The following HYCC1 variants were observed in gnomAD, a reference collection of about 807,000 sequenced individuals.
HYCC1 encodes hyccin.
At chr7:22,974,229 C>T in the HYCC1 span, among the ~76,000 whole-genome samples, 83,490 of 151,960 alleles carry the variant, frequency 0.55, 23,471 homozygotes, top group Non-Finnish European at 0.61. Flanking sequence ...CCATTTTTAA[C>T]TTATAAATTA....
At chr7:22,916,925 T>C in the HYCC1 span, among the ~76,000 whole-genome samples, 2 of 152,216 alleles carry the variant, frequency 1.3e-5, no homozygotes, top group Non-Finnish European at 2.9e-5. Context: ...TGCACCACCA[T>C]GCTGTTATAT....
At chr7:23,013,091 T>C in the HYCC1 span, among the ~76,000 whole-genome samples, 1 of 152,166 alleles carries the variant, frequency 6.6e-6, no homozygotes, top group Admixed American at 6.5e-5. Flanking sequence ...CTTTCAGGAA[T>C]GTCTAAACTC....
chr7:23,001,225 T>G, the HYCC1 span, among the ~76,000 whole-genome samples: 5 of 152,170 alleles, frequency 3.3e-5, no homozygotes, highest in Non-Finnish European at 7.4e-5. Flanking sequence ...TTAATTGAAT[T>G]CTCATAGCCA....
the HYCC1 span, chr7:23,013,932 G>A: frequency 4.3e-6 from 2 of 469,880 alleles, no homozygotes; most frequent in South Asian, 3.1e-5. Context: ...CACCAGGGCG[G>A]CTGCCGGAGC....
the HYCC1 span, among the ~76,000 whole-genome samples, chr7:22,990,681 A>G: frequency 1.3e-5 from 2 of 152,196 alleles, no homozygotes; most frequent in Non-Finnish European, 1.5e-5. Flanking sequence ...AGTTGAGCAA[A>G]TATCTTCCCA....
chr7:22,921,461 A>G, the HYCC1 span, among the ~76,000 whole-genome samples: 1 of 152,252 alleles, frequency 6.6e-6, no homozygotes, highest in Admixed American at 6.5e-5. Context: ...ACACAAAATT[A>G]CATAAAGTAA....
At chr7:23,012,000 T>C in the HYCC1 span, among the ~76,000 whole-genome samples, 1 of 152,216 alleles carries the variant, frequency 6.6e-6, no homozygotes, top group Admixed American at 6.5e-5. Flanking sequence ...TAATTTACTG[T>C]AATGTTACTA....
the HYCC1 span, among the ~76,000 whole-genome samples, chr7:22,905,557 A>G: frequency 1.3e-5 from 2 of 151,826 alleles, no homozygotes; most frequent in East Asian, 1.9e-4. Context: ...AAACCATGTC[A>G]CCATCTTTAC....
chr7:22,974,257 C>T, the HYCC1 span, among the ~76,000 whole-genome samples: 4 of 152,078 alleles, frequency 2.6e-5, no homozygotes, highest in Admixed American at 1.3e-4. Context: ...TCCCTTCCAC[C>T]CTCCCACCTT....
the HYCC1 span, among the ~76,000 whole-genome samples, chr7:22,930,728 A>C: frequency 6.6e-6 from 1 of 152,138 alleles, no homozygotes; most frequent in Non-Finnish European, 1.5e-5. Flanking sequence ...AATACTAGCA[A>C]ATCAAATAAT....
At chr7:22,934,197 CTTTTTTTTCTTTTTTTT>C in the HYCC1 span, 1 of 99,802 alleles carries the variant, frequency 1.0e-5, no homozygotes, top group Non-Finnish European at 2.0e-5. Flanking sequence ...GTTTCCGCCT[CTTTTTTTTCTTTTTTTT>C]TTTTTTTTTT....
At chr7:22,915,059 T>G in the HYCC1 span, among the ~76,000 whole-genome samples, 2 of 152,168 alleles carry the variant, frequency 1.3e-5, no homozygotes, top group Non-Finnish European at 2.9e-5. Flanking sequence ...CTCAGCCCAG[T>G]TCATGGCCCA....
At chr7:22,992,423 G>A in the HYCC1 span, among the ~76,000 whole-genome samples, 1 of 152,050 alleles carries the variant, frequency 6.6e-6, no homozygotes, top group South Asian at 2.1e-4. Flanking sequence ...TGATTTTATA[G>A]AACTGTCTGT....
chr7:22,989,316 ACACACAC>A, the HYCC1 span, among the ~76,000 whole-genome samples: 4 of 149,658 alleles, frequency 2.7e-5, no homozygotes, highest in Non-Finnish European at 3.0e-5. Flanking sequence ...ACACACACAC[ACACACAC>A]AAGATTTAAT....
the HYCC1 span, among the ~76,000 whole-genome samples, chr7:22,966,026 T>C: frequency 1.3e-5 from 2 of 152,158 alleles, no homozygotes; most frequent in African/African-American, 4.8e-5. Flanking sequence ...ATTATATAAA[T>C]CATTCAGAGA....
chr7:23,012,878 C>A, the HYCC1 span, among the ~76,000 whole-genome samples: 2 of 152,174 alleles, frequency 1.3e-5, no homozygotes, highest in African/African-American at 4.8e-5. Flanking sequence ...GCTCCAAAAA[C>A]TACTGTGTGA....
the HYCC1 span, chr7:22,936,123 A>C: frequency 6.6e-6 from 1 of 151,878 alleles, no homozygotes; most frequent in Non-Finnish European, 1.5e-5. Context: ...AATGGTGAAC[A>C]GGAAGCTTAT....
At chr7:22,923,856 G>A in the HYCC1 span, among the ~76,000 whole-genome samples, 1 of 151,856 alleles carries the variant, frequency 6.6e-6, no homozygotes, top group Non-Finnish European at 1.5e-5. Context: ...TACCGAAAAT[G>A]ATTTAAAAAG....
At chr7:22,921,227 T>A in the HYCC1 span, among the ~76,000 whole-genome samples, 1 of 152,238 alleles carries the variant, frequency 6.6e-6, no homozygotes, top group African/African-American at 2.4e-5. Flanking sequence ...TGTTTGCATG[T>A]ACATATGTAT....
Sources: gnomAD v4.1 joint callset for allele counts (sites outside exome capture counted in the v4.1 genomes callset) on GRCh38, gnomAD v4.1.1 for gene constraint, MANE v1.5 for transcripts, NCBI Gene and HGNC (gene_info 2026-07-23, HGNC 2026-07-21) for gene names.